Variants in RNF150 observed in about 807,000 individuals in gnomAD.
RNF150 encodes ring finger protein 150.
A neutral mutation model predicts 39.3 loss-of-function variants in RNF150; 24 were observed. That is an observed-to-expected ratio of 0.61 (90% CI 0.44 to 0.86). RNF150 has a LOEUF of 0.86. RNF150 is among the 40% of genes least tolerant of loss of function. The pLI is 0.00. For missense variants in RNF150, 502 were observed against 587.8 expected, an observed-to-expected ratio of 0.85 and a Z score of 1.51; for synonymous variants, 255 against 227.3, an observed-to-expected ratio of 1.12 and a Z score of -1.10.
Position 140,866,505 on chromosome 4 carries a change from G to C in RNF150, c.*1756C>G, listed in dbSNP as rs894412393. On this transcript the variant is annotated 3_prime_UTR_variant, in exon 7 of 7. Coordinates refer to ENST00000515673, the MANE Select transcript of RNF150 (RefSeq NM_020724.2). ...TCCTAGGGAGATGCAACCTTTCTGAGGGTAATAATCATCTGCCTTGCCTTA... is the reference window on the plus strand; with the variant it reads ...TCCTAGGGAGATGCAACCTTTCTGACGGTAATAATCATCTGCCTTGCCTTA... 2.6e-4 allele frequency: 40 copies of C among 152,190 alleles called. No individual in the cohort carries two copies. Among genetic ancestry groups the C allele is most frequent in the African/African-American group, 9.4e-4 (39 of 41,440 alleles). The allele number at this position is 152,190 out of a possible 1,614,324, so 9.4% of individuals were successfully genotyped here. A position where few individuals can be genotyped will look rare whatever the true frequency, so the allele number is the denominator to read the frequency against.
At chr4:141,013,246 C>A (rs1242946771) in intron 1 of RNF150, among the ~76,000 whole-genome samples, 1 of 152,026 alleles carries the variant, frequency 6.6e-6, no homozygotes, top group Non-Finnish European at 1.5e-5. Context: ...TAAAATACTC[C>A]ATTACTGTTC....
At position 140,987,935 on chromosome 4, in the gene RNF150, AT is replaced by A. The variant is rs542682738; in HGVS notation, c.485-20063del. Among the ~76,000 whole-genome samples the A allele has an allele frequency of 3.2e-4, 49 of 152,232 alleles. 1 individual carries two copies. The highest frequency in any genetic ancestry group is 1.1e-3 in the African/African-American group (45 of 41,558). ...CAAGCAAAAAACAATCCTATTAAAA[AT>A]GGACAAAAGACATGAACAGACACTT... On this transcript the variant is annotated intron_variant, in intron 1 of 6. Transcript: ENST00000515673.
At chr4:141,055,328 T>C (rs1285135609) in intron 1 of RNF150, among the ~76,000 whole-genome samples, 2 of 152,196 alleles carry the variant, frequency 1.3e-5, no homozygotes, top group Non-Finnish European at 2.9e-5. Context: ...TCATTGCTCA[T>C]ATTTTAAAGT....
At position 141,127,837 on chromosome 4, in the gene RNF150, T is replaced by C. The variant is rs541807215; in HGVS notation, c.484+4488A>G. The stretch of plus-strand genomic sequence containing the variant: ...AAACAGAAAGATATCAAACACACTC[T>C]TTAAAAAAGAAAAAAATAAAACATA... On this transcript the variant is annotated intron_variant, in intron 1 of 6. Transcript: ENST00000515673. Among the ~76,000 whole-genome samples, 8 of 152,274 alleles carry C rather than the reference T, an allele frequency of 5.3e-5. No individual in the cohort carries two copies. The East Asian group carries it at 1.5e-3, about 29-fold the overall frequency.
chr4:141,176,018 G>C (rs779951597), intron 1 of RNF150, among the ~76,000 whole-genome samples: 3 of 151,916 alleles, frequency 2.0e-5, no homozygotes, highest in Non-Finnish European at 4.4e-5. Context: ...TCGAGTAGCT[G>C]AGACTACAAG....
rs773094214 is a variant in RNF150 at position 141,132,797 on chromosome 4, A to C, written c.12T>G (p.Ser4=). The C allele has an allele frequency of 1.2e-6, 2 of 1,607,810 alleles. No homozygotes were observed. Among genetic ancestry groups the C allele is most frequent in the Admixed American group, 3.3e-5 (2 of 59,824 alleles). MAM[S]LIQACCSLAL... ...CCAGACTGCAGCACGCTTGGATGAGAGACATTGCCATCTTTATCCGCCGGG... is the reference window on the plus strand; with the variant it reads ...CCAGACTGCAGCACGCTTGGATGAGCGACATTGCCATCTTTATCCGCCGGG... The change falls in exon 1 of 7, where the codon TCT becomes TCG. Residue 4 remains serine (S), a synonymous_variant. Coordinates refer to ENST00000515673, the MANE Select transcript of RNF150 (RefSeq NM_020724.2). The surrounding 1 kb of genome is among the most constrained non-coding windows in gnomAD (Gnocchi z 4.9).
chr4:141,192,713 A>ACAACAC (rs1728129604), intron 1 of RNF150, among the ~76,000 whole-genome samples: 2 of 152,318 alleles, frequency 1.3e-5, no homozygotes, highest in South Asian at 4.1e-4. Context: ...CCTATCACCA[A>ACAACAC]CAACACCCTG....
intron 2 of RNF150, among the ~76,000 whole-genome samples, chr4:140,958,729 C>G (rs1368568885): frequency 6.6e-6 from 1 of 152,092 alleles, no homozygotes; most frequent in Non-Finnish European, 1.5e-5. Flanking sequence ...GGTGTCCAGG[C>G]TACACGGTGT....
At chr4:140,978,088 T>G (rs980181501) in intron 1 of RNF150, among the ~76,000 whole-genome samples, 1 of 152,142 alleles carries the variant, frequency 6.6e-6, no homozygotes, top group Non-Finnish European at 1.5e-5. Flanking sequence ...AGTTTGAAAA[T>G]GTATCATTCA....
intron 6 of RNF150, among the ~76,000 whole-genome samples, chr4:140,896,529 G>A (rs1391269337): frequency 1.3e-5 from 1 of 77,870 alleles, no homozygotes; most frequent in Non-Finnish European, 2.5e-5. Context: ...ACACTCTGGG[G>A]ACTGTGGTGG....
At chr4:140,989,103 T>C (rs1005831460) in intron 1 of RNF150, among the ~76,000 whole-genome samples, 1 of 152,146 alleles carries the variant, frequency 6.6e-6, no homozygotes, top group Admixed American at 6.6e-5. Flanking sequence ...TCATTGTAGT[T>C]AAAACCTGGT....
intron 1 of RNF150, among the ~76,000 whole-genome samples, chr4:140,974,457 G>A (rs1733588545): frequency 1.3e-5 from 2 of 152,162 alleles, no homozygotes; most frequent in Admixed American, 1.3e-4. Context: ...TACAAATAAA[G>A]CTGCTATGAA....
intron 1 of RNF150, among the ~76,000 whole-genome samples, chr4:140,975,135 A>G (rs1733615000): frequency 6.6e-6 from 1 of 152,112 alleles, no homozygotes; most frequent in Non-Finnish European, 1.5e-5. Flanking sequence ...ATGCTCCTGT[A>G]GTTCCAGCTA....
chr4:141,026,459 T>C (rs1027920857), intron 1 of RNF150, among the ~76,000 whole-genome samples: 2 of 152,188 alleles, frequency 1.3e-5, no homozygotes, highest in Non-Finnish European at 2.9e-5. Context: ...TAGTGGCGAC[T>C]GCACTGGATC....
intron 1 of RNF150, among the ~76,000 whole-genome samples, chr4:140,991,474 T>A (rs1365283507): frequency 6.6e-6 from 1 of 152,284 alleles, no homozygotes; most frequent in South Asian, 2.1e-4. Flanking sequence ...AGGGTTTTTA[T>A]AGATTTGGGT....
intron 1 of RNF150, among the ~76,000 whole-genome samples, chr4:141,170,013 C>T (rs1409735606): frequency 6.6e-6 from 1 of 152,044 alleles, no homozygotes; most frequent in Admixed American, 6.6e-5. Context: ...AAAATCCCAA[C>T]ATTAATATTT....
intron 6 of RNF150, among the ~76,000 whole-genome samples, chr4:140,877,314 AGTTTTT>A (rs1251651177): frequency 1.4e-5 from 2 of 147,402 alleles, no homozygotes; most frequent in African/African-American, 5.0e-5. Context: ...TGTTGTCAAC[AGTTTTT>A]TTTTACAATG....
At chr4:141,175,230 T>C (rs78586890) in intron 1 of RNF150, among the ~76,000 whole-genome samples, 2 of 152,174 alleles carry the variant, frequency 1.3e-5, no homozygotes, top group Admixed American at 6.5e-5. Flanking sequence ...CTTGGGAAAT[T>C]GCTTAATCTC....
chr4:141,147,309 G>A (rs2111134620), intron 1 of RNF150, among the ~76,000 whole-genome samples: 1 of 152,316 alleles, frequency 6.6e-6, no homozygotes, highest in South Asian at 2.1e-4. Context: ...CCTTCAGCAT[G>A]GCCATTCAAT....
Sources: gnomAD v4.1 joint callset for allele counts (sites outside exome capture counted in the v4.1 genomes callset) on GRCh38, gnomAD v4.1.1 for gene constraint, Gnocchi (gnomAD v3.1) non-coding constraint, MANE v1.5 for transcripts, NCBI Gene and HGNC (gene_info 2026-07-23, HGNC 2026-07-21) for gene names.